Variants in STXBP6 observed in about 807,000 individuals in gnomAD.
The protein encoded by STXBP6 is syntaxin-binding protein 6.
Under a neutral mutation model 26.9 loss-of-function variants are expected in STXBP6, and 21 were observed. The ratio of observed to expected loss-of-function variants is 0.78; its 90% CI spans 0.55 to 1.12. The LOEUF is 1.12. Ranked by LOEUF, STXBP6 falls within the 50% of genes most tolerant of loss-of-function variation. STXBP6 has a pLI of 0.00. For synonymous variants in STXBP6, 97 were observed against 92.6 expected, an observed-to-expected ratio of 1.05 and a Z score of -0.27; for missense variants, 232 against 257.9, an observed-to-expected ratio of 0.90 and a Z score of 0.69.
intron 2 of STXBP6, among the ~76,000 whole-genome samples, chr14:24,924,925 A>G (rs1387513080): frequency 6.6e-6 from 1 of 152,226 alleles, no homozygotes; most frequent in Non-Finnish European, 1.5e-5. Flanking sequence ...AAATTTCTCT[A>G]GAAATGTCAT....
intron 4 of STXBP6, among the ~76,000 whole-genome samples, chr14:24,847,794 A>T (rs2069014687): frequency 1.3e-5 from 2 of 152,190 alleles, no homozygotes; most frequent in Admixed American, 1.3e-4. Context: ...CCACTGGAAG[A>T]TCTGAATTAT....
intron 2 of STXBP6, among the ~76,000 whole-genome samples, chr14:24,895,750 G>C (rs1217858606): frequency 6.6e-6 from 1 of 152,220 alleles, no homozygotes; most frequent in Non-Finnish European, 1.5e-5. Flanking sequence ...GGCTCTGCAG[G>C]CAGCTCACCT....
intron 1 of STXBP6, among the ~76,000 whole-genome samples, chr14:25,012,715 A>G (rs1316411684): frequency 1.3e-5 from 2 of 152,182 alleles, no homozygotes; most frequent in Non-Finnish European, 2.9e-5. Flanking sequence ...CAGGTAAATT[A>G]TGTCTTATTA....
At chr14:24,937,445 C>T (rs771623169) in intron 2 of STXBP6, among the ~76,000 whole-genome samples, 1 of 152,132 alleles carries the variant, frequency 6.6e-6, no homozygotes, top group African/African-American at 2.4e-5. Context: ...TTTTTGAAGG[C>T]AGTTTACAGG....
chr14:25,025,641 A>T (rs886873330), intron 1 of STXBP6, among the ~76,000 whole-genome samples: 1 of 152,162 alleles, frequency 6.6e-6, no homozygotes, highest in African/African-American at 2.4e-5. Context: ...ACTCATTGCC[A>T]CCGCATCCCT....
At chr14:24,882,445 T>C (rs948240350) in intron 2 of STXBP6, among the ~76,000 whole-genome samples, 12 of 131,018 alleles carry the variant, frequency 9.2e-5, no homozygotes, top group Non-Finnish European at 1.9e-4. Context: ...AGGGACTTGG[T>C]CCCAACTTCC....
At chr14:24,992,950 ACT>A (rs917687998) in intron 1 of STXBP6, among the ~76,000 whole-genome samples, 3 of 151,826 alleles carry the variant, frequency 2.0e-5, no homozygotes, top group Non-Finnish European at 2.9e-5. Flanking sequence ...GACTCCACAC[ACT>A]CCGGTTTTCT....
chr14:25,001,047 C>T (rs573580714), intron 1 of STXBP6, among the ~76,000 whole-genome samples: 1 of 152,192 alleles, frequency 6.6e-6, no homozygotes, highest in Non-Finnish European at 1.5e-5. Context: ...TTTCAGTGAA[C>T]CTTCAGAGGA....
intron 1 of STXBP6, among the ~76,000 whole-genome samples, chr14:25,036,498 T>C (rs1026427474): frequency 6.6e-6 from 1 of 152,090 alleles, no homozygotes; most frequent in African/African-American, 2.4e-5. Context: ...AAAAGAACAT[T>C]AACCCACTGG....
chr14:24,815,413 T>C (rs1429211141), intron 5 of STXBP6, among the ~76,000 whole-genome samples: 1 of 151,396 alleles, frequency 6.6e-6, no homozygotes, highest in Non-Finnish European at 1.5e-5. Context: ...AGTATCAATA[T>C]ATTACTGTTG....
At chr14:24,902,925 A>G (rs1463952202) in intron 2 of STXBP6, among the ~76,000 whole-genome samples, 1 of 152,174 alleles carries the variant, frequency 6.6e-6, no homozygotes, top group Admixed American at 6.6e-5. Flanking sequence ...GGTGATCCAT[A>G]GAATTTTACC....
chr14:24,930,545 G>C (rs917585565), intron 2 of STXBP6, among the ~76,000 whole-genome samples: 3 of 152,120 alleles, frequency 2.0e-5, no homozygotes, highest in Admixed American at 2.0e-4. Flanking sequence ...TGACACCCAG[G>C]GTTGCTGCCA....
intron 2 of STXBP6, among the ~76,000 whole-genome samples, chr14:24,882,373 C>T (rs1220502692): frequency 5.4e-5 from 2 of 37,154 alleles, no homozygotes; most frequent in African/African-American, 2.3e-4. Context: ...AGCGAGACTC[C>T]GTCTCAAAAA....
chr14:24,998,053 A>C (rs1181619332), intron 1 of STXBP6, among the ~76,000 whole-genome samples: 4 of 152,232 alleles, frequency 2.6e-5, no homozygotes, highest in Non-Finnish European at 5.9e-5. Flanking sequence ...AAGTTGTTAG[A>C]AATTGATACA....
chr14:25,038,519 AAAAT>A (rs1315164143), intron 1 of STXBP6, among the ~76,000 whole-genome samples: 2 of 152,246 alleles, frequency 1.3e-5, no homozygotes, highest in African/African-American at 2.4e-5. Context: ...TCCAATAATG[AAAAT>A]AAATAAACTA....
At chr14:24,882,837 A>C (rs1879073594) in intron 2 of STXBP6, among the ~76,000 whole-genome samples, 1 of 152,172 alleles carries the variant, frequency 6.6e-6, no homozygotes, top group South Asian at 2.1e-4. Flanking sequence ...TGTAATTCAA[A>C]TTTACGTATC....
At chr14:24,931,638 TCTTCTGGAG>T (rs772548999) in intron 2 of STXBP6, among the ~76,000 whole-genome samples, 4 of 152,162 alleles carry the variant, frequency 2.6e-5, no homozygotes, top group Non-Finnish European at 5.9e-5. Flanking sequence ...AAGTGTACTC[TCTTCTGGAG>T]TTTATATTAT....
chr14:24,968,170 AATATAT>A (rs72223372), intron 2 of STXBP6, among the ~76,000 whole-genome samples: 22 of 144,350 alleles, frequency 1.5e-4, no homozygotes, highest in Admixed American at 9.7e-4. Flanking sequence ...TATAATAAAG[AATATAT>A]ATATATATAT....
At chr14:25,015,108 T>C (rs2075118418) in intron 1 of STXBP6, among the ~76,000 whole-genome samples, 1 of 152,212 alleles carries the variant, frequency 6.6e-6, no homozygotes, top group Admixed American at 6.5e-5. Flanking sequence ...AAACTATCAT[T>C]GAGGGATTTT....
Sources: allele counts gnomAD v4.1 joint callset (sites outside exome capture counted in the v4.1 genomes callset), GRCh38; gene constraint gnomAD v4.1.1; transcripts MANE v1.5; gene names NCBI Gene and HGNC (gene_info 2026-07-23, HGNC 2026-07-21).